The following DENND1A variants were observed in gnomAD, a reference collection of about 807,000 sequenced individuals.
The protein encoded by DENND1A is DENN domain-containing protein 1A.
DENND1A carries 51 observed loss-of-function variants against 113.7 expected under a neutral mutation model. That is an observed-to-expected ratio of 0.45 (90% CI 0.36 to 0.57). The LOEUF (loss-of-function observed/expected upper bound fraction) is 0.57. Ranked by LOEUF, DENND1A falls within the 20% of genes least tolerant of loss-of-function variation. DENND1A has a pLI of 0.00. For missense variants in DENND1A, 1,258 were observed against 1,395.9 expected, an observed-to-expected ratio of 0.90 and a Z score of 1.57; for synonymous variants, 565 against 570.8, an observed-to-expected ratio of 0.99 and a Z score of 0.14.
At chr9:123,442,411 A>T (rs1041234260) in intron 18 of DENND1A, among the ~76,000 whole-genome samples, 1 of 152,202 alleles carries the variant, frequency 6.6e-6, no homozygotes, top group South Asian at 2.1e-4. Context: ...TGCTCAGGTC[A>T]AGTGGAAAAA....
intron 11 of DENND1A, among the ~76,000 whole-genome samples, chr9:123,586,829 C>T (rs577626953): frequency 3.9e-5 from 6 of 152,076 alleles, no homozygotes; most frequent in Non-Finnish European, 8.8e-5. Flanking sequence ...CTCATCTTAA[C>T]CATGCCATCA....
intron 13 of DENND1A, among the ~76,000 whole-genome samples, chr9:123,469,981 T>C (rs181920109): frequency 6.6e-6 from 1 of 152,324 alleles, no homozygotes; most frequent in Admixed American, 6.5e-5. Context: ...CAAGATTGTA[T>C]TTGACATATC....
At chr9:123,703,535 A>G (rs954973314) in intron 5 of DENND1A, among the ~76,000 whole-genome samples, 2 of 152,188 alleles carry the variant, frequency 1.3e-5, no homozygotes, top group East Asian at 1.9e-4. Context: ...ACACACTACT[A>G]TAGAAAAATC....
intron 1 of DENND1A, among the ~76,000 whole-genome samples, chr9:123,914,235 A>G (rs1317107325): frequency 6.6e-6 from 1 of 151,894 alleles, no homozygotes; most frequent in Non-Finnish European, 1.5e-5. Flanking sequence ...GCTATAAAGT[A>G]CCTGCGACTT....
chr9:123,802,789 G>A (rs1008099062), intron 2 of DENND1A, among the ~76,000 whole-genome samples: 4 of 150,996 alleles, frequency 2.6e-5, no homozygotes, highest in South Asian at 2.1e-4. Flanking sequence ...CGCAACCTTC[G>A]CCTCCCGGGT....
chr9:123,782,873 CG>C (rs1315498465), intron 3 of DENND1A, among the ~76,000 whole-genome samples: 3 of 151,584 alleles, frequency 2.0e-5, no homozygotes, highest in African/African-American at 7.3e-5. Context: ...CAGCTCCCCC[CG>C]CTCACATACA....
At chr9:123,467,519 T>C (rs925154343) in intron 13 of DENND1A, among the ~76,000 whole-genome samples, 1 of 151,848 alleles carries the variant, frequency 6.6e-6, no homozygotes, top group Non-Finnish European at 1.5e-5. Flanking sequence ...GCCAGGCATA[T>C]TGGCGGGCGC....
rs534602911 is a variant in DENND1A, at chr9:123,397,279, C to T, written c.1631+6123G>A. Among the ~76,000 whole-genome samples the T allele has an allele frequency of 6.5e-4, 99 of 152,214 alleles. 2 individuals carry two copies. The highest frequency in any genetic ancestry group is 9.3e-4 in the Non-Finnish European group (63 of 68,022). On this transcript the variant is annotated intron_variant, in intron 21 of 23. Coordinates refer to ENST00000394215, the MANE Select transcript of DENND1A (RefSeq NM_001352964.2). ...AAATGATTCTCCTGCCTCAGGCTTCCGAGTAGCTGAGATTATAAGTGTGTG... is the reference window on the plus strand; with the variant it reads ...AAATGATTCTCCTGCCTCAGGCTTCTGAGTAGCTGAGATTATAAGTGTGTG...
chr9:123,560,906 A>G (rs2136115827), intron 12 of DENND1A, among the ~76,000 whole-genome samples: 1 of 152,256 alleles, frequency 6.6e-6, no homozygotes, highest in South Asian at 2.1e-4. Context: ...GCCCCTGAGG[A>G]GCAATGCAGG....
chr9:123,699,070 C>T (rs2065707781), intron 5 of DENND1A, among the ~76,000 whole-genome samples: 1 of 147,380 alleles, frequency 6.8e-6, no homozygotes. Flanking sequence ...ACCCGTGGTT[C>T]CCCCTACTTT....
chr9:123,464,294 T>C (rs1039631151), intron 13 of DENND1A, among the ~76,000 whole-genome samples: 1 of 152,222 alleles, frequency 6.6e-6, no homozygotes, highest in Non-Finnish European at 1.5e-5. Flanking sequence ...ATTATGTTCA[T>C]AGCAGCTCTA....
intron 2 of DENND1A, among the ~76,000 whole-genome samples, chr9:123,809,551 C>A (rs2132413547): frequency 6.6e-6 from 1 of 152,330 alleles, no homozygotes; most frequent in South Asian, 2.1e-4. Flanking sequence ...AAAAGTACTT[C>A]TTTCTGGTTT....
At chr9:123,635,522 T>C (rs555053007) in intron 9 of DENND1A, among the ~76,000 whole-genome samples, 1 of 152,302 alleles carries the variant, frequency 6.6e-6, no homozygotes, top group East Asian at 1.9e-4. Flanking sequence ...GACTCTGAAA[T>C]AGATGAGGTA....
At chr9:123,453,013 G>A (rs767051261) in intron 16 of DENND1A, among the ~76,000 whole-genome samples, 37 of 152,202 alleles carry the variant, frequency 2.4e-4, no homozygotes, top group Non-Finnish European at 5.4e-4. Context: ...AAAGTGGGAG[G>A]AAGGAGGAGG....
chr9:123,623,132 A>C (rs181903462), intron 10 of DENND1A, among the ~76,000 whole-genome samples: 22 of 152,280 alleles, frequency 1.4e-4, no homozygotes, highest in African/African-American at 5.1e-4. Flanking sequence ...ACAATAACTC[A>C]AGTTAAATAA....
At chr9:123,418,342 G>A (rs1029597942) in intron 19 of DENND1A, among the ~76,000 whole-genome samples, 6 of 152,196 alleles carry the variant, frequency 3.9e-5, no homozygotes, top group East Asian at 1.9e-4. Context: ...CCTGGCCCTC[G>A]GCATCTCTAT....
intron 11 of DENND1A, 87 bp downstream of exon 11, chr9:123,609,344 AGCTGT>A: frequency 2.1e-6 from 3 of 1,413,928 alleles, no homozygotes; most frequent in Non-Finnish European, 3.0e-6. Context: ...CCACGTGCAG[AGCTGT>A]GACTGCTGAG....
At chr9:123,685,226 T>A (rs2064734471) in intron 5 of DENND1A, among the ~76,000 whole-genome samples, 1 of 152,188 alleles carries the variant, frequency 6.6e-6, no homozygotes, top group Non-Finnish European at 1.5e-5. Flanking sequence ...ACATCAAAAG[T>A]CAAAGCAACC....
intron 19 of DENND1A, chr9:123,413,869 G>C: frequency 2.0e-6 from 2 of 985,296 alleles, no homozygotes; most frequent in Non-Finnish European, 2.4e-6. Flanking sequence ...AAGAGGAAGA[G>C]GTGATCAGGG....
Sources: gnomAD v4.1 joint callset for allele counts (sites outside exome capture counted in the v4.1 genomes callset) on GRCh38, gnomAD v4.1.1 for gene constraint, MANE v1.5 for transcripts, NCBI Gene and HGNC (gene_info 2026-07-23, HGNC 2026-07-21) for gene names.